PLEKHA6: variants seen among roughly 807,000 people sequenced by gnomAD.
PLEKHA6 encodes pleckstrin homology domain containing A6.
In PLEKHA6, 60 loss-of-function variants were observed where a neutral mutation model predicts 116.7. The observed-to-expected ratio is 0.51, with a 90% CI of 0.42 to 0.64. The LOEUF (loss-of-function observed/expected upper bound fraction) is 0.64, where lower values mean the gene tolerates loss of function less well. PLEKHA6 is among the 30% of genes least tolerant of loss of function. PLEKHA6 has a pLI of 0.00. For synonymous variants in PLEKHA6, 489 were observed against 556.1 expected, an observed-to-expected ratio of 0.88 and a Z score of 1.70; for missense variants, 1,338 against 1,422.7, an observed-to-expected ratio of 0.94 and a Z score of 0.96.
intron 1 of PLEKHA6, among the ~76,000 whole-genome samples, chr1:204,344,627 A>T (rs1289404160): frequency 6.6e-6 from 1 of 151,840 alleles, no homozygotes; most frequent in Non-Finnish European, 1.5e-5. Context: ...AGAAATATTT[A>T]AAAATATATA....
intron 1 of PLEKHA6, among the ~76,000 whole-genome samples, chr1:204,282,340 A>G (rs1668713490): frequency 6.6e-6 from 1 of 152,192 alleles, no homozygotes; most frequent in Non-Finnish European, 1.5e-5. Context: ...GTTTTACTTT[A>G]GGGAATTCCA....
intron 1 of PLEKHA6, among the ~76,000 whole-genome samples, chr1:204,328,756 T>G (rs766274452): frequency 6.6e-6 from 1 of 152,248 alleles, no homozygotes; most frequent in African/African-American, 2.4e-5. Context: ...TGCAGCTAGA[T>G]ACTAGATTGC....
At chr1:204,346,652 A>G (rs1673064418) in intron 1 of PLEKHA6, 2 of 660,066 alleles carry the variant, frequency 3.0e-6, no homozygotes, top group Non-Finnish European at 5.4e-6. Context: ...CAATGTGGCC[A>G]TGGGTAAGTG....
upstream of PLEKHA6, among the ~76,000 whole-genome samples, chr1:204,360,605 G>T (rs114445040): frequency 0.025 from 3,877 of 152,200 alleles, 154 homozygotes; most frequent in African/African-American, 0.076. Context: ...AAATGATATA[G>T]GTACTCAGAT....
At chr1:204,350,716 C>T (rs2103361703) in intron 1 of PLEKHA6, among the ~76,000 whole-genome samples, 1 of 152,128 alleles carries the variant, frequency 6.6e-6, no homozygotes, top group African/African-American at 2.4e-5. Flanking sequence ...GGGGGGAGGA[C>T]CAGGACTGAC....
At chr1:204,377,666 C>G (rs1489138626), upstream of PLEKHA6, 2 of 152,390 alleles carry the variant, frequency 1.3e-5, no homozygotes, top group Non-Finnish European at 2.9e-5. Context: ...CATCGGCCAT[C>G]TCGGTGTCCC....
rs552880329 is a variant in PLEKHA6, at chr1:204,297,614, A to G, written c.-94-22805T>C. On this transcript the variant is annotated intron_variant, in intron 1 of 22. Coordinates refer to ENST00000272203, the MANE Select transcript of PLEKHA6 (RefSeq NM_014935.5). ...ATGCCTCAGTTTCCTCATCGGCAAC[A>G]GGGGGGGTGGGTAACAGTTTCTACT... Among the ~76,000 whole-genome samples the G allele has an allele frequency of 3.4e-3, 522 of 151,524 alleles. 1 individual carries two copies. Among genetic ancestry groups the G allele is most frequent in the Middle Eastern group, 0.01 (3 of 292 alleles).
At position 204,339,395 on chromosome 1, in the gene PLEKHA6, C is replaced by T. The variant is rs981308609; in HGVS notation, c.-95+20299G>A. On this transcript the variant is annotated intron_variant, in intron 1 of 22. Transcript: ENST00000272203. ...GGCCTGCTATGCGGCAATACATAAC[C>T]GGAACACTAAGTCTCCATCTCACCA... 5.3e-5 allele frequency among the ~76,000 whole-genome samples: 8 copies of T among 152,312 alleles called. No homozygotes were observed. In the South Asian group the frequency reaches 1.2e-3, roughly 24 times the overall value.
chr1:204,299,609 T>C, intron 1 of PLEKHA6: 3 of 984,060 alleles, frequency 3.0e-6, no homozygotes, highest in Non-Finnish European at 3.6e-6. Flanking sequence ...GGAGAAAACA[T>C]CTCGCATTCT....
upstream of PLEKHA6, among the ~76,000 whole-genome samples, chr1:204,363,126 C>T (rs1197968545): frequency 1.3e-5 from 2 of 152,234 alleles, no homozygotes; most frequent in African/African-American, 4.8e-5. Context: ...AACAGAACTG[C>T]TTTTGGTGGC....
chr1:204,248,154 C>G (rs887423598), intron 12 of PLEKHA6, among the ~76,000 whole-genome samples: 5 of 60,672 alleles, frequency 8.2e-5, no homozygotes, highest in African/African-American at 4.1e-4. Flanking sequence ...AGGGCAGCAG[C>G]CTTTTTTTTT....
intron 1 of PLEKHA6, among the ~76,000 whole-genome samples, chr1:204,288,235 T>C (rs900205168): frequency 1.3e-5 from 2 of 152,170 alleles, no homozygotes; most frequent in Admixed American, 6.5e-5. Context: ...CCACACATGC[T>C]GGCTGGCCTT....
intron 1 of PLEKHA6, among the ~76,000 whole-genome samples, chr1:204,341,473 G>A (rs1357186227): frequency 2.0e-5 from 3 of 152,194 alleles, no homozygotes; most frequent in Non-Finnish European, 4.4e-5. Flanking sequence ...CCAAAGGTCA[G>A]CAGGGAACAG....
At chr1:204,346,835 T>C in intron 1 of PLEKHA6, 1 of 1,345,396 alleles carries the variant, frequency 7.4e-7, no homozygotes, top group Non-Finnish European at 1.1e-6. Context: ...CCATTGGTTC[T>C]CACAAAGTGT....
intron 1 of PLEKHA6, among the ~76,000 whole-genome samples, chr1:204,289,602 C>T (rs1363811425): frequency 1.3e-5 from 2 of 152,234 alleles, no homozygotes; most frequent in African/African-American, 4.8e-5. Context: ...TCCATTCACC[C>T]TCAAGAGTAC....
At chr1:204,247,169 A>T (rs1242766674) in intron 13 of PLEKHA6, among the ~76,000 whole-genome samples, 196 bp downstream of exon 13, 1 of 152,116 alleles carries the variant, frequency 6.6e-6, no homozygotes, top group Non-Finnish European at 1.5e-5. Context: ...GTCATAAAAC[A>T]CCTGTGTCTA....
rs920733847 is a variant in PLEKHA6, at chr1:204,221,548, G to T, written c.*1240C>A. 3 of 152,606 alleles carry T rather than the reference G, an allele frequency of 2.0e-5. No homozygotes were observed. Among genetic ancestry groups the T allele is most frequent in the Admixed American group, 2.0e-4 (3 of 15,270 alleles). The allele number at this position is 152,606 out of a possible 1,614,324, so 9.5% of individuals were successfully genotyped here. A position where few individuals can be genotyped will look rare whatever the true frequency, so the allele number is the denominator to read the frequency against. On this transcript the variant is annotated 3_prime_UTR_variant, in exon 23 of 23. Coordinates refer to ENST00000272203, the MANE Select transcript of PLEKHA6 (RefSeq NM_014935.5). ...CTCGTCTGGGATGCCTGGGATAGGG[G>T]GATAGGCCTCCCAGATTAAGGCCTC...
In PLEKHA6 at chr1:204,228,857, G is replaced by A. The variant is rs763078149; in HGVS notation, c.2756C>T (p.Ser919Phe). The A allele has an allele frequency of 7.4e-6, 12 of 1,614,156 alleles. No homozygotes were observed. Among genetic ancestry groups the A allele is most frequent in the Non-Finnish European group, 9.3e-6 (11 of 1,180,004 alleles). Residue 919 changes from serine (S) to phenylalanine (F), a missense_variant, in exon 20 of 23, where the codon TCC becomes TTC. Coordinates refer to ENST00000272203, the MANE Select transcript of PLEKHA6 (RefSeq NM_014935.5). The surrounding 1 kb of genome is among the most constrained non-coding windows in gnomAD (Gnocchi z 4.0). ...AGGGATGAGGACTTTGTCTGGAGTG[G>A]AGAGCTATGGAGGGGCTGGGGTCAC... The part of the protein sequence containing the change: ...HYDVDINKEL[S>F]TPDKVLIPER...
intron 1 of PLEKHA6, 84 bp downstream of exon 1, chr1:204,359,609 CG>C (rs1357085994): frequency 2.0e-6 from 2 of 985,366 alleles, no homozygotes; most frequent in Non-Finnish European, 2.4e-6. Flanking sequence ...CAGGCTCACG[CG>C]GCAGACAGGC....
Sources: gnomAD v4.1 joint callset for allele counts (sites outside exome capture counted in the v4.1 genomes callset) on GRCh38, gnomAD v4.1.1 for gene constraint, Gnocchi (gnomAD v3.1) non-coding constraint, MANE v1.5 for transcripts, NCBI Gene and HGNC (gene_info 2026-07-23, HGNC 2026-07-21) for gene names.